The following NFATC3 variants were observed in gnomAD, a reference collection of about 807,000 sequenced individuals.
NFATC3 encodes the protein nuclear factor of activated T cells 3.
In NFATC3, 46 loss-of-function variants were observed where a neutral mutation model predicts 98.6. The observed-to-expected ratio is 0.47, with a 90% CI of 0.37 to 0.60. The LOEUF (loss-of-function observed/expected upper bound fraction) is 0.60. Among genes scored for constraint, NFATC3 ranks in the 20% least tolerant of loss-of-function variants. The pLI is 0.00. For missense variants in NFATC3, 1,256 were observed against 1,295.5 expected (o/e 0.97, Z 0.47); for synonymous variants, 512 against 472.2 (o/e 1.08, Z -1.09).
intron 6 of NFATC3, among the ~76,000 whole-genome samples, chr16:68,180,569 T>G (rs944547528): frequency 3.3e-5 from 5 of 152,134 alleles, no homozygotes; most frequent in African/African-American, 1.2e-4. Flanking sequence ...GTTACATAGG[T>G]GTAGATGTGC....
chr16:68,188,331 A>G (rs2040297991), intron 8 of NFATC3, among the ~76,000 whole-genome samples: 4 of 151,848 alleles, frequency 2.6e-5, no homozygotes, highest in Admixed American at 2.6e-4. Context: ...TCTTCCTGCT[A>G]CCGCCCCTCT....
At chr16:68,101,732 C>T (rs1162094751) in intron 1 of NFATC3, among the ~76,000 whole-genome samples, 1 of 152,118 alleles carries the variant, frequency 6.6e-6, no homozygotes, top group South Asian at 2.1e-4. Flanking sequence ...ATCCGCCCGC[C>T]TCTGCCTCCC....
intron 3 of NFATC3, among the ~76,000 whole-genome samples, chr16:68,155,182 G>C (rs1397695449): frequency 6.6e-6 from 1 of 152,146 alleles, no homozygotes. Context: ...TAAAGCCAAG[G>C]CTGGACAAGT....
At chr16:68,190,353 T>C (rs1378821068) in intron 8 of NFATC3, among the ~76,000 whole-genome samples, 2 of 152,204 alleles carry the variant, frequency 1.3e-5, no homozygotes, top group East Asian at 3.8e-4. Context: ...CCCAAGTCAA[T>C]ACTTAATTAG....
chr16:68,088,976 A>G, intron 1 of NFATC3: 1 of 985,396 alleles, frequency 1.0e-6, no homozygotes. Flanking sequence ...ATATTTTGTT[A>G]AATAAGTGAA....
At chr16:68,212,208 G>A (rs1434327922) in intron 9 of NFATC3, among the ~76,000 whole-genome samples, 1 of 152,192 alleles carries the variant, frequency 6.6e-6, no homozygotes, top group Non-Finnish European at 1.5e-5. Flanking sequence ...AACTAGGTGA[G>A]TGATCTCAAA....
chr16:68,225,575 C>T (rs961281753), intron 9 of NFATC3: 4 of 152,144 alleles, frequency 2.6e-5, no homozygotes, highest in African/African-American at 9.7e-5. Context: ...GGATTGTTTC[C>T]ACTTTTTGGC....
rs578261838 is a variant in NFATC3 at position 68,210,706 on chromosome 16, T to C, written c.3107-15644T>C. Among the ~76,000 whole-genome samples, 3 of 152,308 alleles carry C rather than the reference T, an allele frequency of 2.0e-5. No individual in the cohort carries two copies. In the South Asian group the frequency reaches 6.2e-4, roughly 32 times the overall value. ...CACTTGGTCTTAATGTATCATCCTT[T>C]TAATATGCTGCTGAATTGTGTTAGT... On this transcript the variant is annotated intron_variant, in intron 9 of 9. Coordinates refer to ENST00000346183, the MANE Select transcript of NFATC3 (RefSeq NM_173165.3).
At chr16:68,184,017 A>G (rs957489542) in intron 8 of NFATC3, among the ~76,000 whole-genome samples, 1 of 151,844 alleles carries the variant, frequency 6.6e-6, no homozygotes, top group Non-Finnish European at 1.5e-5. Flanking sequence ...AAAAAAAAAA[A>G]AAAAAAAAGA....
intron 1 of NFATC3, among the ~76,000 whole-genome samples, chr16:68,094,376 C>G (rs1209949934): frequency 2.0e-5 from 3 of 151,138 alleles, no homozygotes; most frequent in African/African-American, 7.3e-5. Flanking sequence ...GCTCAATAGT[C>G]AGGGTAGTTT....
At chr16:68,151,490 G>T (rs911666858) in intron 3 of NFATC3, among the ~76,000 whole-genome samples, 4 of 152,098 alleles carry the variant, frequency 2.6e-5, no homozygotes, top group African/African-American at 9.7e-5. Flanking sequence ...TCTTTTGGGG[G>T]TATTAATATA....
intron 1 of NFATC3, among the ~76,000 whole-genome samples, chr16:68,098,352 T>A (rs1351229619): frequency 2.7e-5 from 4 of 145,948 alleles, no homozygotes; most frequent in Non-Finnish European, 6.0e-5. Context: ...CAGGCTGGAG[T>A]GCTGTGATGC....
chr16:68,198,272 CA>C (rs1351111274), intron 9 of NFATC3, among the ~76,000 whole-genome samples: 1 of 152,058 alleles, frequency 6.6e-6, no homozygotes, highest in Non-Finnish European at 1.5e-5. Flanking sequence ...GAGTGGTGAT[CA>C]TGCTACTACA....
At chr16:68,208,906 T>C (rs2041260391) in intron 9 of NFATC3, among the ~76,000 whole-genome samples, 1 of 152,216 alleles carries the variant, frequency 6.6e-6, no homozygotes, top group South Asian at 2.1e-4. Context: ...GTTTTATGTT[T>C]ATACTATCAT....
rs1472186327 is a variant in NFATC3, at chr16:68,167,013, G to C, written c.1772G>C (p.Cys591Ser). The C allele has an allele frequency of 1.2e-6, 2 of 1,607,980 alleles. No individual in the cohort carries two copies. The highest frequency in any genetic ancestry group is 2.2e-5 in the South Asian group (2 of 90,152). ...SLQIASIPVE[C>S]SQRSAQELPH... ...CAGATAGCCTCTATACCCGTTGAGT[G>C]CTGTAAGTGAGCTTGTGATGATGTT... Residue 591 changes from cysteine to serine, a missense_variant and splice_region_variant, in exon 5 of 10, where the codon TGC becomes TCC. This residue lies in a region of NFATC3 where 636 missense variants were observed against 617.3 expected (regional missense o/e 1.03). Coordinates refer to ENST00000346183, the MANE Select transcript of NFATC3 (RefSeq NM_173165.3).
chr16:68,157,430 T>C (rs1433012661), intron 3 of NFATC3, among the ~76,000 whole-genome samples: 1 of 152,190 alleles, frequency 6.6e-6, no homozygotes, highest in East Asian at 1.9e-4. Flanking sequence ...TTATAATATA[T>C]GGAATAGGGG....
chr16:68,221,523 C>A (rs990926934), intron 9 of NFATC3: 2 of 1,256,714 alleles, frequency 1.6e-6, no homozygotes, highest in East Asian at 3.3e-5. Flanking sequence ...ATTCAGTTGG[C>A]AAGTAATTTT....
Position 68,098,063 on chromosome 16 carries a change from G to T in NFATC3, c.103+12279G>T, listed in dbSNP as rs1255255708. On this transcript the variant is annotated intron_variant, in intron 1 of 9. Coordinates refer to ENST00000346183, the MANE Select transcript of NFATC3 (RefSeq NM_173165.3). ...CATTAATTTTTATTGGGGAGTAGTT[G>T]CCATTATGTATGTATAGTACAATTT... Among the ~76,000 whole-genome samples, 3 of 151,992 alleles carry T rather than the reference G, an allele frequency of 2.0e-5. No individual in the cohort carries two copies. The South Asian group carries it at 6.2e-4, about 32-fold the overall frequency.
chr16:68,193,273 G>T (rs1040081339), intron 9 of NFATC3, among the ~76,000 whole-genome samples: 1 of 151,948 alleles, frequency 6.6e-6, no homozygotes, highest in Non-Finnish European at 1.5e-5. Flanking sequence ...GGTATGGGGG[G>T]GTTGTATGGT....
Sources: allele counts gnomAD v4.1 joint callset (sites outside exome capture counted in the v4.1 genomes callset), GRCh38; gene constraint gnomAD v4.1.1; regional missense constraint gnomAD v4.1.1; transcripts MANE v1.5; gene names NCBI Gene and HGNC (gene_info 2026-07-23, HGNC 2026-07-21).